CLN6: variants seen among roughly 807,000 people sequenced by gnomAD.
CLN6 encodes ceroid-lipofuscinosis neuronal protein 6.
CLN6 carries 22 observed loss-of-function variants against 33.3 expected under a neutral mutation model. The observed-to-expected ratio is 0.66, with a 90% CI of 0.47 to 0.94. The LOEUF (loss-of-function observed/expected upper bound fraction) is 0.94, where lower values mean the gene tolerates loss of function less well. Among genes scored for constraint, CLN6 ranks in the 40% least tolerant of loss-of-function variants. The pLI, the probability that CLN6 is intolerant of heterozygous loss-of-function variation, is 0.00. For missense variants in CLN6, 387 were observed against 417.1 expected, an observed-to-expected ratio of 0.93 and a Z score of 0.63; for synonymous variants, 201 against 174.6, an observed-to-expected ratio of 1.15 and a Z score of -1.19.
intron 1 of CLN6, among the ~76,000 whole-genome samples, chr15:68,243,880 A>G (rs1255475086): frequency 2.0e-5 from 3 of 151,698 alleles, no homozygotes; most frequent in African/African-American, 7.3e-5. Context: ...TAGCTAACAC[A>G]GTGAAACCCC....
chr15:68,229,276 CG>C lies in CLN6; in HGVS notation c.83+225del, dbSNP rs577777835. ...TCCTCCCACCCGAGCAACGGCGAAG[CG>C]GGGAGGCCGAGCCCCGCTGGGCCCC... On this transcript the variant is annotated intron_variant, in intron 1 of 6. Coordinates refer to ENST00000249806, the MANE Select transcript of CLN6 (RefSeq NM_017882.3). Among the ~76,000 whole-genome samples, 1,670 of 152,278 alleles carry C rather than the reference CG, an allele frequency of 0.011. 20 individuals are homozygous for C. The highest frequency in any genetic ancestry group is 0.017 in the Non-Finnish European group (1,157 of 67,988).
At chr15:68,244,432 A>C (rs1212965761) in intron 1 of CLN6, among the ~76,000 whole-genome samples, 1 of 150,046 alleles carries the variant, frequency 6.7e-6, no homozygotes, top group Non-Finnish European at 1.5e-5. Flanking sequence ...GAAAAAAAAA[A>C]CTGCCATCCA....
intron 1 of CLN6, among the ~76,000 whole-genome samples, chr15:68,245,289 G>A (rs548084896): frequency 1.2e-4 from 18 of 152,112 alleles, no homozygotes; most frequent in South Asian, 2.1e-4. Context: ...GTGGCCAGGC[G>A]TGGTGGCTCA....
intron 1 of CLN6, among the ~76,000 whole-genome samples, chr15:68,221,483 C>T (rs543966165): frequency 1.2e-4 from 18 of 152,122 alleles, no homozygotes; most frequent in African/African-American, 3.9e-4. Flanking sequence ...CTGCCCGCCT[C>T]GGCCTCCCGA....
intron 2 of CLN6, among the ~76,000 whole-genome samples, chr15:68,216,680 A>G (rs1272272095): frequency 6.6e-6 from 1 of 152,246 alleles, no homozygotes; most frequent in Non-Finnish European, 1.5e-5. Flanking sequence ...GGACATAGCA[A>G]AACTGATTTA....
intron 1 of CLN6, among the ~76,000 whole-genome samples, chr15:68,249,974 T>C (rs1313385259): frequency 1.3e-5 from 2 of 152,110 alleles, no homozygotes; most frequent in Admixed American, 6.5e-5. Flanking sequence ...GGTTTCACCA[T>C]GTTGGTCAGG....
chr15:68,239,178 G>GA (rs1001838597), intron 1 of CLN6, among the ~76,000 whole-genome samples: 2 of 151,336 alleles, frequency 1.3e-5, no homozygotes, highest in Admixed American at 1.3e-4. Context: ...GAAGAAAAAG[G>GA]AAAAAAATAA....
intron 1 of CLN6, among the ~76,000 whole-genome samples, chr15:68,221,502 G>T (rs1052175419): frequency 6.6e-6 from 1 of 151,990 alleles, no homozygotes; most frequent in Admixed American, 6.5e-5. Flanking sequence ...GAGGTGCTGG[G>T]ATTGCAGACG....
intron 1 of CLN6, among the ~76,000 whole-genome samples, chr15:68,235,113 T>C (rs1892206173): frequency 6.6e-6 from 1 of 152,214 alleles, no homozygotes; most frequent in Non-Finnish European, 1.5e-5. Flanking sequence ...GTGCTTAATG[T>C]GTATTATCTC....
rs371794062 is a variant in CLN6, at chr15:68,211,332, G to A, written c.487-14C>T. ...AAAGGAGTCGATCTGAGGGAGGAACGGGCAGGGCAGAGTCGGGGGATGTCG... is the reference window on the plus strand; with the variant it reads ...AAAGGAGTCGATCTGAGGGAGGAACAGGCAGGGCAGAGTCGGGGGATGTCG... On this transcript the variant is annotated splice_polypyrimidine_tract_variant and intron_variant, in intron 4 of 6. Coordinates refer to ENST00000249806, the MANE Select transcript of CLN6 (RefSeq NM_017882.3). The surrounding 1 kb of genome is among the most constrained non-coding windows in gnomAD (Gnocchi z 5.9). 45 of 1,613,786 alleles carry A rather than the reference G, an allele frequency of 2.8e-5. No individual in the cohort carries two copies. The highest frequency in any genetic ancestry group is 5.0e-5 in the Admixed American group (3 of 60,016).
chr15:68,222,106 CGTCTGGG>C (rs2093238390), intron 1 of CLN6, among the ~76,000 whole-genome samples: 3 of 141,478 alleles, frequency 2.1e-5, no homozygotes, highest in African/African-American at 2.7e-5. Context: ...CCGGCCGCCC[CGTCTGGG>C]ATGTGAGGAG....
Position 68,228,727 on chromosome 15 carries a change from G to C in CLN6, c.83+775C>G, listed in dbSNP as rs1291517118. On this transcript the variant is annotated intron_variant, in intron 1 of 6. Transcript: ENST00000249806. This position sits in a 1 kb window ranked among gnomAD's most constrained non-coding sequence, Gnocchi z 4.4. ...CCAAGATGACCGCTCACTCCCACTT[G>C]GGCTCTGTCTCTCCTGATCCCTACA... is the stretch of plus-strand genomic sequence containing the variant. 7.2e-5 allele frequency among the ~76,000 whole-genome samples: 11 copies of C among 151,960 alleles called. No individual in the cohort carries two copies. Among genetic ancestry groups the C allele is most frequent in the Non-Finnish European group, 1.6e-4 (11 of 67,988 alleles).
Position 68,229,648 on chromosome 15 carries a change from C to G in CLN6, c.-64G>C. 7.7e-7 allele frequency: 1 copy of G among 1,291,492 alleles called. No homozygotes were observed. The highest frequency in any genetic ancestry group is 1.0e-6 in the Non-Finnish European group (1 of 992,736). The allele number at this position is 1,291,492 out of a possible 1,614,324, so 80.0% of individuals were successfully genotyped here. ...AAGAGACCGGTTCAGCTCGGCTGCC[C>G]CGGCGGAGGCCGCCGCAAATTCCCA... On this transcript the variant is annotated 5_prime_UTR_variant, in exon 1 of 7. Coordinates refer to ENST00000249806, the MANE Select transcript of CLN6 (RefSeq NM_017882.3).
At position 68,218,641 on chromosome 15, in the gene CLN6, A is replaced by G. The variant is rs376510900; in HGVS notation, c.93T>C (p.Ser31=). Residue 31 remains serine (S), a synonymous_variant, in exon 2 of 7, where the codon TCT becomes TCC. Coordinates refer to ENST00000249806, the MANE Select transcript of CLN6 (RefSeq NM_017882.3). ...GASFLQARHG[S]VSADEAARTA... The stretch of plus-strand genomic sequence containing the variant: ...TGCGGGCAGCCTCATCAGCGCTCAC[A>G]GAGCCATGCCTGGGAAGGAACCAGA... 4 of 1,613,280 alleles carry G rather than the reference A, an allele frequency of 2.5e-6. No homozygotes were observed. In the African/African-American group the frequency reaches 5.3e-5, roughly 22 times the overall value.
chr15:68,215,866 T>G (rs1484745373), intron 2 of CLN6, among the ~76,000 whole-genome samples: 2 of 151,674 alleles, frequency 1.3e-5, no homozygotes, highest in Non-Finnish European at 2.9e-5. Flanking sequence ...CAGAGAAGAG[T>G]GAAAGGGGTG....
In CLN6 at chr15:68,218,618, C is replaced by A. The variant is rs779456928; in HGVS notation, c.116G>T (p.Arg39Leu). The A allele has an allele frequency of 2.5e-6, 4 of 1,613,720 alleles. No individual in the cohort carries two copies. Among genetic ancestry groups the A allele is most frequent in the East Asian group, 2.2e-5 (1 of 44,878 alleles). The change falls in exon 2 of 7, where the codon CGC becomes CTC. Residue 39 changes from arginine (R) to leucine (L), a missense_variant. Physicochemically the swap from Arg to Leu is moderately radical, Grantham distance 102. Transcript: ENST00000249806. ...GAGGTCGAGGTGGAAGGGAGCCGTG[C>A]GGGCAGCCTCATCAGCGCTCACAGA... ...HGSVSADEAARTAPFHLDLWF... is the reference protein window; with the variant it reads ...HGSVSADEAALTAPFHLDLWF...
intron 2 of CLN6, chr15:68,218,304 C>T: frequency 4.3e-6 from 2 of 462,944 alleles, no homozygotes; most frequent in South Asian, 3.9e-5. Context: ...TTCAGGACCA[C>T]CAGTTCCCCC....
At position 68,243,957 on chromosome 15, in the gene CLN6, C is replaced by T. The variant is rs367955360; in HGVS notation, c.179+12733G>A. Among the ~76,000 whole-genome samples the T allele has an allele frequency of 2.8e-4, 42 of 151,584 alleles. No homozygotes were observed. In the South Asian group the frequency reaches 6.3e-3, roughly 23 times the overall value. On this transcript the variant is annotated intron_variant, in intron 1 of 6. Coordinates refer to the CLN6 transcript ENST00000538696. The stretch of plus-strand genomic sequence containing the variant: ...GCGGGCGCCTATAGTCCCAGCTACT[C>T]GGGAGGCTGAGGCAGGAGAATGGAG...
rs769199442 is a variant in CLN6 at position 68,218,615 on chromosome 15, G to T, written c.119C>A (p.Thr40Lys). Residue 40 changes from threonine to lysine, a missense_variant, in exon 2 of 7, where the codon ACG becomes AAG. Physicochemically the swap from Thr to Lys is moderately conservative, Grantham distance 78. Transcript: ENST00000249806. The part of the protein sequence containing the change: ...GSVSADEAAR[T>K]APFHLDLWFY... ...CCAGAGGTCGAGGTGGAAGGGAGCC[G>T]TGCGGGCAGCCTCATCAGCGCTCAC... 4 of 1,613,718 alleles carry T rather than the reference G, an allele frequency of 2.5e-6. No individual in the cohort carries two copies. The East Asian group carries it at 8.9e-5, about 36-fold the overall frequency.
Sources: gnomAD v4.1 joint callset for allele counts (sites outside exome capture counted in the v4.1 genomes callset) on GRCh38, gnomAD v4.1.1 for gene constraint, Gnocchi (gnomAD v3.1) non-coding constraint, MANE v1.5 for transcripts, NCBI Gene and HGNC (gene_info 2026-07-23, HGNC 2026-07-21) for gene names.